SEMA5A: variants seen among roughly 807,000 people sequenced by gnomAD.
SEMA5A encodes semaphorin 5A, also known as semaphorin-5A.
A neutral mutation model predicts 135.5 loss-of-function variants in SEMA5A; 55 were observed. That is an observed-to-expected ratio of 0.41 (90% CI 0.33 to 0.51). SEMA5A has a LOEUF of 0.51. Ranked by LOEUF, SEMA5A falls within the 20% of genes least tolerant of loss-of-function variation. The pLI, the probability that SEMA5A is intolerant of heterozygous loss-of-function variation, is 0.37. For missense variants in SEMA5A, 1,290 were observed against 1,419.9 expected (o/e 0.91, Z 1.47); for synonymous variants, 580 against 546.5 (o/e 1.06, Z -0.85).
At chr5:9,203,045 T>C (rs1215524406) in intron 8 of SEMA5A, among the ~76,000 whole-genome samples, 14 of 152,340 alleles carry the variant, frequency 9.2e-5, no homozygotes, top group South Asian at 6.2e-4. Context: ...TTAGGAAATA[T>C]ACATTATCAA....
At chr5:9,395,614 T>C (rs995930178) in intron 2 of SEMA5A, among the ~76,000 whole-genome samples, 11 of 152,230 alleles carry the variant, frequency 7.2e-5, no homozygotes, top group Admixed American at 4.6e-4. Context: ...CACATAGTCA[T>C]TGACACTTTC....
At chr5:9,436,983 G>C (rs559415094) in intron 2 of SEMA5A, among the ~76,000 whole-genome samples, 14 of 152,292 alleles carry the variant, frequency 9.2e-5, no homozygotes, top group African/African-American at 3.1e-4. Flanking sequence ...ACTGTCCCAG[G>C]GCCACAGGAA....
chr5:9,343,166 A>T (rs1308438502), intron 3 of SEMA5A, among the ~76,000 whole-genome samples: 1 of 146,828 alleles, frequency 6.8e-6, no homozygotes, highest in South Asian at 2.2e-4. Context: ...TGCCCATGTT[A>T]ATAAGGGTGA....
Position 9,455,263 on chromosome 5 carries a change from T to TA in SEMA5A, c.-174-17412_-174-17411insT, listed in dbSNP as rs879630012. On this transcript the variant is annotated intron_variant, in intron 1 of 22. Transcript: ENST00000382496. ...TATTTTATTTTATTTATTTATTTTT[T>TA]TTTTTTTTTTGAGACAGAATCTCAC... 3.8e-3 allele frequency among the ~76,000 whole-genome samples: 563 copies of TA among 147,182 alleles called. 12 individuals carry two copies. In the East Asian group the frequency reaches 0.043, roughly 11 times the overall value.
In SEMA5A at chr5:9,037,051, A is replaced by G. The variant is rs1360017975; in HGVS notation, c.*5846T>C. 2 of 152,252 alleles carry G rather than the reference A, an allele frequency of 1.3e-5. No individual in the cohort carries two copies. Among genetic ancestry groups the G allele is most frequent in the African/African-American group, 4.8e-5 (2 of 41,466 alleles). 9.4% of individuals were successfully genotyped at this position (152,252 alleles called of 1,614,324 possible). A position where few individuals can be genotyped will look rare whatever the true frequency, so the allele number is the denominator to read the frequency against. ...AATTGCCAAAAGGCTGAGAAAGAAC[A>G]AGATCACATTTCAACTACTGGCCCC... On this transcript the variant is annotated 3_prime_UTR_variant, in exon 23 of 23. Transcript: ENST00000382496.
chr5:9,076,971 G>A (rs531734947), intron 16 of SEMA5A, among the ~76,000 whole-genome samples: 2 of 151,108 alleles, frequency 1.3e-5, no homozygotes, highest in East Asian at 2.0e-4. Flanking sequence ...AGTTTCTTTG[G>A]TCACAGTGCT....
intron 3 of SEMA5A, among the ~76,000 whole-genome samples, chr5:9,348,891 G>A (rs933758723): frequency 6.6e-6 from 1 of 152,190 alleles, no homozygotes; most frequent in South Asian, 2.1e-4. Flanking sequence ...AAAATATCCA[G>A]AATAGTTCTG....
chr5:9,299,399 G>T (rs998031058), intron 5 of SEMA5A, among the ~76,000 whole-genome samples: 1 of 152,204 alleles, frequency 6.6e-6, no homozygotes, highest in South Asian at 2.1e-4. Context: ...TGGAAGGTTT[G>T]AATTCAGTTG....
At chr5:9,164,991 A>G (rs751009008) in intron 11 of SEMA5A, among the ~76,000 whole-genome samples, 4 of 152,238 alleles carry the variant, frequency 2.6e-5, no homozygotes, top group Non-Finnish European at 5.9e-5. Flanking sequence ...ATACTTGTGT[A>G]TGATTAGATA....
chr5:9,452,331 G>T (rs772919169), intron 1 of SEMA5A, among the ~76,000 whole-genome samples: 4 of 152,170 alleles, frequency 2.6e-5, no homozygotes, highest in Non-Finnish European at 4.4e-5. Flanking sequence ...TGAAGCAGTG[G>T]TTTGCTTCCC....
At chr5:9,272,353 C>A (rs1025815882) in intron 5 of SEMA5A, among the ~76,000 whole-genome samples, 1 of 152,166 alleles carries the variant, frequency 6.6e-6, no homozygotes, top group African/African-American at 2.4e-5. Flanking sequence ...AAACATGCAG[C>A]AGCCCCAGTC....
At chr5:9,523,937 A>G (rs1269270382) in intron 1 of SEMA5A, among the ~76,000 whole-genome samples, 1 of 152,176 alleles carries the variant, frequency 6.6e-6, no homozygotes. Context: ...AATAGAGTTA[A>G]ATTAAGATGA....
At chr5:9,346,896 G>T (rs1248896269) in intron 3 of SEMA5A, among the ~76,000 whole-genome samples, 7 of 135,352 alleles carry the variant, frequency 5.2e-5, no homozygotes, top group Non-Finnish European at 1.1e-4. Flanking sequence ...ATATATATGT[G>T]TGTGTGTGTG....
intron 1 of SEMA5A, among the ~76,000 whole-genome samples, chr5:9,457,286 C>G (rs771088511): frequency 5.1e-4 from 78 of 152,336 alleles, no homozygotes; most frequent in African/African-American, 1.8e-3. Context: ...GAAATCGCAC[C>G]ATGATCTAAG....
At chr5:9,432,018 C>T (rs1374749069) in intron 2 of SEMA5A, among the ~76,000 whole-genome samples, 1 of 152,202 alleles carries the variant, frequency 6.6e-6, no homozygotes, top group East Asian at 1.9e-4. Context: ...AGGCCCAAAT[C>T]TCAAACAGCA....
At chr5:9,408,883 TAAC>T (rs1346861741) in intron 2 of SEMA5A, among the ~76,000 whole-genome samples, 2 of 152,194 alleles carry the variant, frequency 1.3e-5, no homozygotes, top group Non-Finnish European at 1.5e-5. Flanking sequence ...GAGATTTTTC[TAAC>T]AACAGAATCC....
intron 1 of SEMA5A, among the ~76,000 whole-genome samples, chr5:9,476,407 T>C (rs1041108169): frequency 2.6e-5 from 4 of 152,134 alleles, no homozygotes; most frequent in Non-Finnish European, 4.4e-5. Context: ...TAGTTGATAG[T>C]TTACATTTCT....
intron 3 of SEMA5A, among the ~76,000 whole-genome samples, chr5:9,364,944 AAG>A (rs1412244155): frequency 6.6e-6 from 1 of 152,222 alleles, no homozygotes; most frequent in Non-Finnish European, 1.5e-5. Context: ...TTCTTGTCAA[AAG>A]AGTTTCTGTT....
chr5:9,073,067 G>C (rs752702999), intron 16 of SEMA5A, among the ~76,000 whole-genome samples: 2 of 152,104 alleles, frequency 1.3e-5, no homozygotes, highest in African/African-American at 2.4e-5. Context: ...AATTGCAAAC[G>C]AGACAGTATC....
Sources: gnomAD v4.1 joint callset for allele counts (sites outside exome capture counted in the v4.1 genomes callset) on GRCh38, gnomAD v4.1.1 for gene constraint, MANE v1.5 for transcripts, NCBI Gene and HGNC (gene_info 2026-07-23, HGNC 2026-07-21) for gene names.